PLEKHM3: variants seen among roughly 807,000 people sequenced by gnomAD.
The protein encoded by PLEKHM3 is pleckstrin homology domain-containing family M member 3.
PLEKHM3 carries 45 observed loss-of-function variants against 81.8 expected under a neutral mutation model. The observed-to-expected ratio is 0.55, with a 90% CI of 0.43 to 0.71. The LOEUF is 0.71. Among genes scored for constraint, PLEKHM3 ranks in the 30% least tolerant of loss-of-function variants. The pLI, the probability that PLEKHM3 is intolerant of heterozygous loss-of-function variation, is 0.00. For missense variants in PLEKHM3, 788 were observed against 924.3 expected, an observed-to-expected ratio of 0.85 and a Z score of 1.91; for synonymous variants, 352 against 356.4, an observed-to-expected ratio of 0.99 and a Z score of 0.14.
At chr2:207,832,172 A>C (rs1331343822) in intron 7 of PLEKHM3, among the ~76,000 whole-genome samples, 2 of 152,232 alleles carry the variant, frequency 1.3e-5, no homozygotes, top group African/African-American at 2.4e-5. Flanking sequence ...TGAGATAAAA[A>C]AAAATTAATG....
chr2:208,004,712 T>C (rs536174653), intron 1 of PLEKHM3, among the ~76,000 whole-genome samples: 1 of 152,286 alleles, frequency 6.6e-6, no homozygotes, highest in East Asian at 1.9e-4. Flanking sequence ...ATTGTTCATA[T>C]GACCCTCCCT....
chr2:207,840,799 G>GTTTTT (rs1221570591), intron 7 of PLEKHM3, among the ~76,000 whole-genome samples: 12 of 109,794 alleles, frequency 1.1e-4, no homozygotes, highest in African/African-American at 1.9e-4. Context: ...CACTTTTTAT[G>GTTTTT]TTTTTTTTTT....
At chr2:207,872,153 T>A (rs1177066017) in intron 6 of PLEKHM3, among the ~76,000 whole-genome samples, 1 of 152,190 alleles carries the variant, frequency 6.6e-6, no homozygotes, top group Non-Finnish European at 1.5e-5. Context: ...GGAAGGGGCC[T>A]TTCTGAGGGC....
intron 1 of PLEKHM3, among the ~76,000 whole-genome samples, chr2:208,009,855 G>A (rs1454913133): frequency 1.3e-5 from 2 of 152,074 alleles, no homozygotes; most frequent in East Asian, 1.9e-4. Context: ...TTCCTTATAG[G>A]CTCATTTCAG....
At chr2:208,016,945 A>T (rs183624326) in intron 1 of PLEKHM3, among the ~76,000 whole-genome samples, 94 of 152,286 alleles carry the variant, frequency 6.2e-4, no homozygotes, top group Middle Eastern at 3.4e-3. Flanking sequence ...CAAGTCCCTC[A>T]TATAAAATTA....
At chr2:207,958,536 A>G (rs1690598382) in intron 3 of PLEKHM3, among the ~76,000 whole-genome samples, 2 of 152,302 alleles carry the variant, frequency 1.3e-5, no homozygotes, top group South Asian at 4.1e-4. Flanking sequence ...AGGAAGGTCA[A>G]TCTCACCATC....
intron 5 of PLEKHM3, among the ~76,000 whole-genome samples, chr2:207,913,630 T>A (rs952546432): frequency 6.6e-6 from 1 of 151,066 alleles, no homozygotes; most frequent in African/African-American, 2.4e-5. Context: ...TGGAGAGGGG[T>A]GAGGATTGTG....
At chr2:207,925,683 G>C (rs1376529444) in intron 5 of PLEKHM3, among the ~76,000 whole-genome samples, 1 of 152,092 alleles carries the variant, frequency 6.6e-6, no homozygotes, top group Admixed American at 6.5e-5. Context: ...CCCCACCTGG[G>C]CTTGGTAACC....
chr2:207,912,827 G>A (rs1008491653), intron 5 of PLEKHM3, among the ~76,000 whole-genome samples: 6 of 152,190 alleles, frequency 3.9e-5, no homozygotes, highest in African/African-American at 1.4e-4. Flanking sequence ...TACGCACACT[G>A]CCATTTATTC....
chr2:207,867,666 A>T (rs543946798), intron 6 of PLEKHM3, among the ~76,000 whole-genome samples: 3 of 152,252 alleles, frequency 2.0e-5, no homozygotes, highest in South Asian at 4.1e-4. Flanking sequence ...AAATCATTTT[A>T]TATATAATAC....
intron 4 of PLEKHM3, among the ~76,000 whole-genome samples, chr2:207,933,812 T>A (rs1183986395): frequency 1.3e-5 from 2 of 152,212 alleles, no homozygotes; most frequent in Non-Finnish European, 2.9e-5. Flanking sequence ...CAGTTGTTAC[T>A]AGCAGTAGGC....
At chr2:207,969,202 C>G (rs1168341581) in intron 3 of PLEKHM3, among the ~76,000 whole-genome samples, 3 of 152,210 alleles carry the variant, frequency 2.0e-5, no homozygotes, top group African/African-American at 7.2e-5. Context: ...GCGTAATACA[C>G]AATGACCCTT....
At chr2:207,914,286 A>G (rs984493547) in intron 5 of PLEKHM3, among the ~76,000 whole-genome samples, 3 of 152,062 alleles carry the variant, frequency 2.0e-5, no homozygotes, top group African/African-American at 7.2e-5. Context: ...ACCAGAGGGT[A>G]GGAGTTTGAG....
At chr2:208,020,147 G>A (rs1008249829) in intron 1 of PLEKHM3, among the ~76,000 whole-genome samples, 4 of 152,202 alleles carry the variant, frequency 2.6e-5, no homozygotes, top group Admixed American at 2.6e-4. Flanking sequence ...TCCCAGTTAC[G>A]TAAGTATTCA....
intron 6 of PLEKHM3, among the ~76,000 whole-genome samples, chr2:207,872,239 C>A (rs974094517): frequency 1.3e-5 from 2 of 152,172 alleles, no homozygotes; most frequent in African/African-American, 4.8e-5. Flanking sequence ...TACTGACCCA[C>A]CTTGTAGAAA....
chr2:207,859,985 C>T (rs887448852), intron 7 of PLEKHM3, among the ~76,000 whole-genome samples: 7 of 152,282 alleles, frequency 4.6e-5, no homozygotes, highest in Admixed American at 2.6e-4. Context: ...CCCAGTGGTT[C>T]GTCCAGTTTG....
chr2:207,899,171 A>G (rs914191363), intron 6 of PLEKHM3, among the ~76,000 whole-genome samples: 1 of 152,216 alleles, frequency 6.6e-6, no homozygotes, highest in Non-Finnish European at 1.5e-5. Context: ...GTTGCCATGC[A>G]TCCTGGTTAC....
At position 207,998,201 on chromosome 2, in the gene PLEKHM3, G is replaced by A. The variant is rs183490348; in HGVS notation, c.610+2829C>T. Among the ~76,000 whole-genome samples the A allele has an allele frequency of 2.4e-3, 372 of 152,300 alleles. 2 individuals are homozygous for A. Among genetic ancestry groups the A allele is most frequent in the African/African-American group, 8.4e-3 (349 of 41,564 alleles). On this transcript the variant is annotated intron_variant, in intron 2 of 7. Transcript: ENST00000427836. ...CATTTACTCACATTCGCTATCTCCT[G>A]GATGACTAAAAGGTGGCAGTGGCTG...
At chr2:207,934,409 A>G (rs1689682699) in intron 4 of PLEKHM3, among the ~76,000 whole-genome samples, 6 of 152,216 alleles carry the variant, frequency 3.9e-5, no homozygotes, top group Admixed American at 3.9e-4. Context: ...TAGTATTAGT[A>G]TTGACCTATT....
Sources: gnomAD v4.1 joint callset for allele counts (sites outside exome capture counted in the v4.1 genomes callset) on GRCh38, gnomAD v4.1.1 for gene constraint, MANE v1.5 for transcripts, NCBI Gene and HGNC (gene_info 2026-07-23, HGNC 2026-07-21) for gene names.